The following LCN6 variants were observed in gnomAD, a reference collection of about 807,000 sequenced individuals.
The protein encoded by LCN6 is lipocalin 6, also known as epididymal-specific lipocalin-6.
LCN6 carries 20 observed loss-of-function variants against 21.4 expected under a neutral mutation model. The observed-to-expected ratio is 0.93, with a 90% CI of 0.66 to 1.36. The LOEUF is 1.36. LCN6 is among the 40% of genes most tolerant of loss of function. The probability of loss-of-function intolerance (pLI) is 0.00; values close to 1 mark genes in which losing one functional copy is unlikely to be tolerated. For missense variants in LCN6, 217 were observed against 206.6 expected (o/e 1.05, Z -0.31); for synonymous variants, 96 against 89.0 (o/e 1.08, Z -0.44).
At position 136,747,531 on chromosome 9, in the gene LCN6, G is replaced by A. The variant is rs1252396143; in HGVS notation, c.123C>T (p.Ala41=). The part of the protein sequence containing the change: ...LLGPWYVLAV[A]SREKGFAMEK... ...CCATGGCAAAGCCCTTTTCCCGGGA[G>A]GCCACCGCAAGCACGTACCAGGGCC... Residue 41 remains alanine, a synonymous_variant, in exon 2 of 7, where the codon GCC becomes GCT. Coordinates refer to ENST00000341206, the MANE Select transcript of LCN6 (RefSeq NM_198946.3). The A allele has an allele frequency of 1.2e-6, 2 of 1,612,898 alleles. No individual in the cohort carries two copies. Among genetic ancestry groups the A allele is most frequent in the East Asian group, 2.2e-5 (1 of 44,894 alleles).
In LCN6 at chr9:136,745,637, A is replaced by G. The variant is rs577812162; in HGVS notation, c.301+207T>C. 1.4e-3 allele frequency: 842 copies of G among 610,900 alleles called. 16 individuals are homozygous for G. In the South Asian group the frequency reaches 0.015, roughly 11 times the overall value. 37.8% of individuals were successfully genotyped at this position (610,900 alleles called of 1,614,324 possible). ...CCTATGGGGACCTTGGCTGGACCTCACTGGTGTCTGAGCCTGCTGGGAACA... is the reference window on the plus strand; with the variant it reads ...CCTATGGGGACCTTGGCTGGACCTCGCTGGTGTCTGAGCCTGCTGGGAACA... On this transcript the variant is annotated intron_variant, in intron 3 of 6. Coordinates refer to ENST00000341206, the MANE Select transcript of LCN6 (RefSeq NM_198946.3).
chr9:136,744,642 T>C lies in LCN6; in HGVS notation c.*20A>G. 1 of 1,594,600 alleles carries C rather than the reference T, an allele frequency of 6.3e-7. No individual in the cohort carries two copies. Among genetic ancestry groups the C allele is most frequent in the Non-Finnish European group, 8.6e-7 (1 of 1,165,812 alleles). Reference sequence around the variant, plus strand: ...AGGCTGCTCCGGTGGACACTCACGGTCCTTCTGCAGCTGGGCCTGCTACTG... The same window carrying C: ...AGGCTGCTCCGGTGGACACTCACGGCCCTTCTGCAGCTGGGCCTGCTACTG... On this transcript the variant is annotated splice_region_variant and 3_prime_UTR_variant, in exon 5 of 7. Coordinates refer to ENST00000341206, the MANE Select transcript of LCN6 (RefSeq NM_198946.3). The surrounding 1 kb of genome is among the most constrained non-coding windows in gnomAD (Gnocchi z 4.2).
intron 2 of LCN6, 76 bp downstream of exon 2, chr9:136,747,348 C>A: frequency 1.3e-6 from 2 of 1,540,756 alleles, no homozygotes; most frequent in Non-Finnish European, 1.8e-6. Flanking sequence ...TGCCCGGGAG[C>A]AGATGTGCAA....
Position 136,747,559 on chromosome 9 carries a change from A to G in LCN6, c.95T>C (p.Leu32Pro). 6.2e-7 allele frequency: 1 copy of G among 1,610,670 alleles called. No individual in the cohort carries two copies. The highest frequency in any genetic ancestry group is 8.5e-7 in the Non-Finnish European group (1 of 1,179,762). ...WLGRLDPEQL[L>P]GPWYVLAVAS... ...CACCGCAAGCACGTACCAGGGCCCA[A>G]GAAGCTGCATTGAGGCGGCTCCCGT... Residue 32 changes from leucine (L) to proline (P), a missense_variant, in exon 2 of 7, where the codon CTT becomes CCT. Transcript: ENST00000341206.
At chr9:136,746,557 G>A (rs934767775) in intron 2 of LCN6, among the ~76,000 whole-genome samples, 8 of 152,290 alleles carry the variant, frequency 5.3e-5, no homozygotes, top group South Asian at 2.1e-4. Flanking sequence ...GGAAAGCCAC[G>A]TGGGAGCTGC....
chr9:136,747,426 G>A lies in LCN6; in HGVS notation c.228C>T (p.His76=), dbSNP rs150825099. Reference sequence around the variant, plus strand: ...CCTGGCAGGACCCGCCCACTCACCCGTGCTGAGAGGACAGCGTCCGCAGGT... The same window carrying A: ...CCTGGCAGGACCCGCCCACTCACCCATGCTGAGAGGACAGCGTCCGCAGGT... The part of the protein sequence containing the change: ...ENNLRTLSSQ[H]GLGGCDQSVM... The change falls in exon 2 of 7, where the codon CAC becomes CAT. Residue 76 remains histidine, a splice_region_variant and synonymous_variant. Transcript: ENST00000341206. The A allele has an allele frequency of 6.3e-5, 102 of 1,612,698 alleles. No individual in the cohort carries two copies. In the Middle Eastern group the frequency reaches 9.9e-4, roughly 16 times the overall value.
intron 1 of LCN6, 103 bp from the exon 2 acceptor site, chr9:136,747,666 A>G: frequency 1.2e-6 from 1 of 840,394 alleles, no homozygotes; most frequent in Non-Finnish European, 1.6e-6. Flanking sequence ...CTCCAGCCTC[A>G]GCCTCCACCC....
chr9:136,745,320 C>T (rs778902423), intron 3 of LCN6, 40 bp from the exon 4 acceptor site: 1 of 1,421,328 alleles, frequency 7.0e-7, no homozygotes, highest in Non-Finnish European at 9.9e-7. Flanking sequence ...AGGGCAGCTG[C>T]TGTATCCATC....
intron 3 of LCN6, 186 bp downstream of exon 3, chr9:136,745,658 G>C (rs1847027692): frequency 1.6e-6 from 1 of 640,218 alleles, no homozygotes; most frequent in East Asian, 2.6e-5. Context: ...AGCCTGCTGG[G>C]AACAAGGTTC....
chr9:136,747,874 CA>C (rs1847070079), intron 1 of LCN6, among the ~76,000 whole-genome samples: 1 of 125,850 alleles, frequency 7.9e-6, no homozygotes, highest in African/African-American at 3.6e-5. Context: ...CTCCAGCTTC[CA>C]ACCCCCCAGA....
chr9:136,747,754 C>T (rs1454349281), intron 1 of LCN6, among the ~76,000 whole-genome samples, 191 bp from the exon 2 acceptor site: 2 of 119,860 alleles, frequency 1.7e-5, no homozygotes, highest in African/African-American at 7.9e-5. Context: ...CTCCAGCCTC[C>T]ACCCTCCAAC....
At chr9:136,747,118 G>T in intron 2 of LCN6, 1 of 355,022 alleles carries the variant, frequency 2.8e-6, no homozygotes, top group East Asian at 5.1e-5. Context: ...GGCTTCCCCA[G>T]CTCTGACCAC....
In LCN6 at chr9:136,744,527, C is replaced by T. The variant is rs1847006713; in HGVS notation, c.*22+113G>A. 9 of 667,930 alleles carry T rather than the reference C, an allele frequency of 1.3e-5. No individual in the cohort carries two copies. Among genetic ancestry groups the T allele is most frequent in the Middle Eastern group, 2.5e-4 (1 of 3,948 alleles). The allele number at this position is 667,930 out of a possible 1,614,324, so 41.4% of individuals were successfully genotyped here. On this transcript the variant is annotated intron_variant, in intron 5 of 6. Coordinates refer to ENST00000341206, the MANE Select transcript of LCN6 (RefSeq NM_198946.3). This position sits in a 1 kb window ranked among gnomAD's most constrained non-coding sequence, Gnocchi z 4.2. ...AGCCTGCCTGACTCCTTCAGGGCGA[C>T]TGAGTCAGGCAGAAGCCAGAATCAA... is the stretch of plus-strand genomic sequence containing the variant.
chr9:136,745,408 C>T (rs1847024086), intron 3 of LCN6, 128 bp from the exon 4 acceptor site: 4 of 674,000 alleles, frequency 5.9e-6, no homozygotes. Context: ...CAGGAGACCC[C>T]TCCAAGCACA....
In LCN6 at chr9:136,748,471, G is replaced by C. The variant is rs1847080007; in HGVS notation, c.13C>G (p.Leu5Val). MGGL[L>V]LAAFLALVSV... ...ACCAAAGCCAGAAAAGCAGCCAGCA[G>C]CAGGCCGCCCATCCTCCCAGGTCTA... The change falls in exon 1 of 7, where the codon CTG becomes GTG. Residue 5 changes from leucine (L) to valine (V), a missense_variant. Physicochemically the swap from Leu to Val is conservative, Grantham distance 32 (BLOSUM62 1). Transcript: ENST00000341206. 1.2e-6 allele frequency: 2 copies of C among 1,613,068 alleles called. No individual in the cohort carries two copies. The highest frequency in any genetic ancestry group is 1.7e-6 in the Non-Finnish European group (2 of 1,179,898).
At chr9:136,747,127 A>G (rs980648329) in intron 2 of LCN6, among the ~76,000 whole-genome samples, 4 of 152,072 alleles carry the variant, frequency 2.6e-5, no homozygotes, top group African/African-American at 9.7e-5. Context: ...AGCTCTGACC[A>G]CAGCCTGCAG....
At chr9:136,747,954 C>A (rs1847072007) in intron 1 of LCN6, among the ~76,000 whole-genome samples, 1 of 150,566 alleles carries the variant, frequency 6.6e-6, no homozygotes, top group East Asian at 2.0e-4. Context: ...AGCCTTCCAA[C>A]CTCCAGCCTG....
At chr9:136,747,893 C>T (rs1464554025) in intron 1 of LCN6, among the ~76,000 whole-genome samples, 1 of 137,600 alleles carries the variant, frequency 7.3e-6, no homozygotes, top group African/African-American at 3.0e-5. Flanking sequence ...AGACCTCCAA[C>T]CCTCCAGCCT....
chr9:136,746,028 A>T, intron 2 of LCN6, 114 bp from the exon 3 acceptor site: 1 of 877,512 alleles, frequency 1.1e-6, no homozygotes. Context: ...CAGAGCTTCC[A>T]TCTTCTGCCA....
Sources: allele counts gnomAD v4.1 joint callset (sites outside exome capture counted in the v4.1 genomes callset), GRCh38; gene constraint gnomAD v4.1.1; non-coding constraint Gnocchi (gnomAD v3.1); transcripts MANE v1.5; gene names NCBI Gene and HGNC (gene_info 2026-07-23, HGNC 2026-07-21).